Variants in TUBA4A observed in about 807,000 individuals in gnomAD.
The protein encoded by TUBA4A is tubulin alpha 4a.
A neutral mutation model predicts 34.3 loss-of-function variants in TUBA4A; 23 were observed. The observed-to-expected ratio is 0.67, with a 90% confidence interval of 0.48 to 0.95. The LOEUF is 0.95. TUBA4A is among the 40% of genes least tolerant of loss of function. The probability of loss-of-function intolerance (pLI) is 0.00; values close to 1 mark genes in which losing one functional copy is unlikely to be tolerated. For synonymous variants in TUBA4A, 216 were observed against 230.5 expected (o/e 0.94, Z 0.57); for missense variants, 279 against 599.0 (o/e 0.47, Z 5.58).
rs747077576 is a variant in TUBA4A at position 219,251,746 on chromosome 2, G to T, written c.227-33C>A. On this transcript the variant is annotated intron_variant, in intron 2 of 3. Coordinates refer to ENST00000248437, the MANE Select transcript of TUBA4A (RefSeq NM_006000.3). This position sits in a 1 kb window ranked among gnomAD's most constrained non-coding sequence, Gnocchi z 6.1. The stretch of plus-strand genomic sequence containing the variant: ...GGCAAAAACCACAAAGCTATGCTCA[G>T]CAGGGACCTTCCTCCCCCAGGGTGG... 5 of 1,596,568 alleles carry T rather than the reference G, an allele frequency of 3.1e-6. No individual in the cohort carries two copies. In the South Asian group the frequency reaches 5.6e-5, roughly 18 times the overall value.
Position 219,252,366 on chromosome 2 carries a change from G to A in TUBA4A, c.4-136C>T. 1 of 871,352 alleles carries A rather than the reference G, an allele frequency of 1.1e-6. No individual in the cohort carries two copies. Among genetic ancestry groups the A allele is most frequent in the Non-Finnish European group, 1.8e-6 (1 of 568,796 alleles). The allele number at this position is 871,352 out of a possible 1,614,324, so 54.0% of individuals were successfully genotyped here. A position where few individuals can be genotyped will look rare whatever the true frequency, so the allele number is the denominator to read the frequency against. On this transcript the variant is annotated intron_variant, in intron 1 of 3. Transcript: ENST00000248437. The surrounding 1 kb of genome is among the most constrained non-coding windows in gnomAD (Gnocchi z 4.1). The stretch of plus-strand genomic sequence containing the variant: ...GAGTGGAGGGTTGGGGCTGGGCAGA[G>A]GTGAGAAGAGAGTAGCAGCCTGCCC...
chr2:219,252,697 C>T lies in TUBA4A; in HGVS notation c.4-467G>A, dbSNP rs1182922620. 8.9e-6 allele frequency: 4 copies of T among 450,258 alleles called. No homozygotes were observed. In the East Asian group the frequency reaches 2.1e-4, roughly 24 times the overall value. 27.9% of individuals were successfully genotyped at this position (450,258 alleles called of 1,614,324 possible). On this transcript the variant is annotated intron_variant, in intron 1 of 3. Coordinates refer to ENST00000248437, the MANE Select transcript of TUBA4A (RefSeq NM_006000.3). This position sits in a 1 kb window ranked among gnomAD's most constrained non-coding sequence, Gnocchi z 4.1. The stretch of plus-strand genomic sequence containing the variant: ...CCATCAGGATGCCCTCCTCCCTCAC[C>T]TTTAAATCCCATCTGGCTCTGGGGA...
chr2:219,253,282 G>T (rs950895209), intron 1 of TUBA4A: 1 of 1,503,290 alleles, frequency 6.7e-7, no homozygotes, highest in African/African-American at 1.4e-5. Context: ...GGCTGGAGAG[G>T]GCCAGCTCGC....
chr2:219,253,259 G>A (rs1951678120), intron 1 of TUBA4A: 4 of 1,492,016 alleles, frequency 2.7e-6, no homozygotes, highest in Non-Finnish European at 3.6e-6. Flanking sequence ...GCCCATCCGC[G>A]CACCCGGGCT....
Position 219,250,329 on chromosome 2 carries a change from T to C in TUBA4A, c.*23A>G, listed in dbSNP as rs769814111. The C allele has an allele frequency of 1.6e-5, 25 of 1,582,622 alleles. No individual in the cohort carries two copies. The South Asian group carries it at 2.4e-4, about 15-fold the overall frequency. On this transcript the variant is annotated 3_prime_UTR_variant, in exon 4 of 4. Transcript: ENST00000248437. The surrounding 1 kb of genome is among the most constrained non-coding windows in gnomAD (Gnocchi z 8.4). ...CGAAAGGATTTTGCAATAAACATAG[T>C]GAATAGGCTCCAGGCAGCTGCTTTA...
chr2:219,253,952 G>T (rs899360049), upstream of TUBA4A: 1 of 1,158,494 alleles, frequency 8.6e-7, no homozygotes, highest in South Asian at 2.5e-5. Flanking sequence ...CTTATAGGCG[G>T]GGGGGGGGCG....
In TUBA4A at chr2:219,251,081, G is replaced by A. The variant is rs556632744; in HGVS notation, c.618C>T (p.Asn206=). The A allele has an allele frequency of 4.6e-5, 75 of 1,614,190 alleles. 1 individual carries two copies. The Admixed American group carries it at 6.2e-4, about 13-fold the overall frequency. The change falls in exon 4 of 4, where the codon AAC becomes AAT. Residue 206 remains asparagine (N), a synonymous_variant. Coordinates refer to ENST00000248437, the MANE Select transcript of TUBA4A (RefSeq NM_006000.3). This position sits in a 1 kb window ranked among gnomAD's most constrained non-coding sequence, Gnocchi z 6.1. ...GGCGGCAGATGTCATAGATTGCTTC[G>A]TTGTCCACCATGAAGGCACAGTCTG... is the stretch of plus-strand genomic sequence containing the variant. ...EHSDCAFMVD[N]EAIYDICRRN...
rs200129330 is a variant in TUBA4A at position 219,253,879 on chromosome 2, C to G, written c.-21G>C. The G allele has an allele frequency of 6.1e-5, 88 of 1,446,100 alleles. No individual in the cohort carries two copies. Among genetic ancestry groups the G allele is most frequent in the Non-Finnish European group, 7.6e-5 (84 of 1,099,290 alleles). 89.6% of individuals were successfully genotyped at this position (1,446,100 alleles called of 1,614,324 possible). A position where few individuals can be genotyped will look rare whatever the true frequency, so the allele number is the denominator to read the frequency against. ...ACCATGGTGAGTCCGGGCGGTGCGTCTCACGTTGAGTCGGGGTGACAGGTC... is the reference window on the plus strand; with the variant it reads ...ACCATGGTGAGTCCGGGCGGTGCGTGTCACGTTGAGTCGGGGTGACAGGTC... On this transcript the variant is annotated 5_prime_UTR_variant, in exon 1 of 4. Coordinates refer to ENST00000248437, the MANE Select transcript of TUBA4A (RefSeq NM_006000.3).
In TUBA4A at chr2:219,251,600, TCTC is replaced by T. The variant is rs773787054; in HGVS notation, c.337_339del (p.Glu113del). ...ATCCGATCCAGCACTGGGTCAATGA[TCTC>T]CTTGCCAATGGTATAGTGACCACGG... On this transcript the variant is annotated inframe_deletion, in exon 3 of 4. Coordinates refer to ENST00000248437, the MANE Select transcript of TUBA4A (RefSeq NM_006000.3). The surrounding 1 kb of genome is among the most constrained non-coding windows in gnomAD (Gnocchi z 6.1). 6.2e-7 allele frequency: 1 copy of T among 1,614,112 alleles called. No individual in the cohort carries two copies. The highest frequency in any genetic ancestry group is 1.7e-5 in the Admixed American group (1 of 60,018).
At chr2:219,253,737 C>T in intron 1 of TUBA4A, 119 bp downstream of exon 1, 1 of 1,253,950 alleles carries the variant, frequency 8.0e-7, no homozygotes, top group Non-Finnish European at 1.1e-6. Context: ...GCAAAACCCT[C>T]GCACCTCCTG....
rs1375554152 is a variant in TUBA4A, at chr2:219,251,704, C to T, written c.236G>A (p.Arg79Gln). The T allele has an allele frequency of 1.9e-6, 3 of 1,613,360 alleles. No homozygotes were observed. Among genetic ancestry groups the T allele is most frequent in the South Asian group, 1.1e-5 (1 of 91,060 alleles). Residue 79 changes from arginine (R) to glutamine (Q), a missense_variant, in exon 3 of 4, where the codon CGA (arginine) becomes CAA (glutamine). Physicochemically the swap from Arg to Gln is conservative, Grantham distance 43. Transcript: ENST00000248437. This position sits in a 1 kb window ranked among gnomAD's most constrained non-coding sequence, Gnocchi z 6.1. ...DLEPTVIDEIRNGPYRQLFHP... is the reference protein window; with the variant it reads ...DLEPTVIDEIQNGPYRQLFHP... ...GAAGAGCTGTCGGTATGGGCCATTT[C>T]GGATCTCATCTGGAAGGGCAAAAAC...
chr2:219,252,096 GT>G lies in TUBA4A; in HGVS notation c.137del (p.Asp46AlafsTer108). The part of the protein sequence containing the change: ...MPSDKTIGGG[D>X]DSFTTFFCET... ...CACAGAAGAAGGTGGTGAAGGAGTCGTCCCCTCCACCAATGGTCTTGTCACT... is the reference window on the plus strand; with the variant it reads ...CACAGAAGAAGGTGGTGAAGGAGTCGCCCCTCCACCAATGGTCTTGTCACT... On this transcript the variant is annotated frameshift_variant, in exon 2 of 4. Coordinates refer to ENST00000248437, the MANE Select transcript of TUBA4A (RefSeq NM_006000.3). LOFTEE classifies it high-confidence loss of function. The surrounding 1 kb of genome is among the most constrained non-coding windows in gnomAD (Gnocchi z 4.1). The G allele has an allele frequency of 6.2e-7, 1 of 1,614,134 alleles. No individual in the cohort carries two copies. Among genetic ancestry groups the G allele is most frequent in the Non-Finnish European group, 8.5e-7 (1 of 1,180,018 alleles).
chr2:219,253,738 G>C, intron 1 of TUBA4A, 118 bp downstream of exon 1: 2 of 1,256,796 alleles, frequency 1.6e-6, no homozygotes, highest in African/African-American at 3.0e-5. Flanking sequence ...CAAAACCCTC[G>C]CACCTCCTGG....
At position 219,249,786 on chromosome 2, in the gene TUBA4A, C is replaced by T; in HGVS notation, c.*566G>A. ...AGACAGGAAGCTATGCAAAGCTGCT[C>T]AGAGGTGCAGTGGCACAAACAACTC... On this transcript the variant is annotated 3_prime_UTR_variant, in exon 4 of 4. Coordinates refer to ENST00000248437, the MANE Select transcript of TUBA4A (RefSeq NM_006000.3). The T allele has an allele frequency of 6.5e-6, 1 of 153,698 alleles. No homozygotes were observed. The allele number at this position is 153,698 out of a possible 1,614,324, so 9.5% of individuals were successfully genotyped here. A position where few individuals can be genotyped will look rare whatever the true frequency, so the allele number is the denominator to read the frequency against.
chr2:219,253,552 G>C (rs770149311), intron 1 of TUBA4A: 2 of 809,228 alleles, frequency 2.5e-6, no homozygotes, highest in Non-Finnish European at 4.1e-6. Flanking sequence ...GCGGGCCCGC[G>C]TGACTCTCAT....
rs1188620838 is a variant in TUBA4A, at chr2:219,253,271, C to G, written c.3+585G>C. ...TCTGCCCATCCGCGCACCCGGGCTT[C>G]GGCTGGAGAGGGCCAGCTCGCTTCA... On this transcript the variant is annotated intron_variant, in intron 1 of 3. Transcript: ENST00000248437. The G allele has an allele frequency of 7.4e-6, 11 of 1,493,238 alleles. No homozygotes were observed. The East Asian group carries it at 2.2e-4, about 30-fold the overall frequency. 92.5% of individuals were successfully genotyped at this position (1,493,238 alleles called of 1,614,324 possible).
At chr2:219,253,206 A>T in intron 1 of TUBA4A, 1 of 1,494,134 alleles carries the variant, frequency 6.7e-7, no homozygotes, top group Admixed American at 2.2e-5. Flanking sequence ...CCCTCCCCCC[A>T]ACCTGGCCTC....
chr2:219,251,042 G>A lies in TUBA4A; in HGVS notation c.657C>T (p.Ile219=), dbSNP rs756105407. Residue 219 remains isoleucine (I), a synonymous_variant, in exon 4 of 4, where the codon ATC becomes ATT. Coordinates refer to ENST00000248437, the MANE Select transcript of TUBA4A (RefSeq NM_006000.3). The surrounding 1 kb of genome is among the most constrained non-coding windows in gnomAD (Gnocchi z 6.1). ...IYDICRRNLD[I]ERPTYTNLNR... ...TGAGGTTGGTGTAGGTTGGGCGCTC[G>A]ATGTCTAGGTTGCGGCGGCAGATGT... 4.3e-6 allele frequency: 7 copies of A among 1,614,218 alleles called. No homozygotes were observed. The South Asian group carries it at 4.4e-5, about 10-fold the overall frequency.
Position 219,251,261 on chromosome 2 carries a change from GC to G in TUBA4A, c.437del (p.Gly146AlafsTer8). The G allele has an allele frequency of 6.2e-7, 1 of 1,614,110 alleles. No homozygotes were observed. The highest frequency in any genetic ancestry group is 8.5e-7 in the Non-Finnish European group (1 of 1,179,998). On this transcript the variant is annotated frameshift_variant, in exon 4 of 4. Transcript: ENST00000248437. LOFTEE classifies it high-confidence loss of function. This position sits in a 1 kb window ranked among gnomAD's most constrained non-coding sequence, Gnocchi z 6.1. The part of the protein sequence containing the change: ...LVFHSFGGGT[G>X]SGFTSLLMER... ...CCATCAGGAGTGAGGTGAAGCCAGA[GC>G]CAGTGCCCCCACCAAAGCTGTGGAA... is the stretch of plus-strand genomic sequence containing the variant.
Sources: gnomAD v4.1 joint callset for allele counts on GRCh38, gnomAD v4.1.1 for gene constraint, Gnocchi (gnomAD v3.1) non-coding constraint, MANE v1.5 for transcripts, NCBI Gene and HGNC (gene_info 2026-07-23, HGNC 2026-07-21) for gene names.